CSMD1: variants seen among roughly 807,000 people sequenced by gnomAD.
CSMD1 encodes the protein CUB and sushi domain-containing protein 1.
In CSMD1, 213 loss-of-function variants were observed where a neutral mutation model predicts 417.5. The ratio of observed to expected loss-of-function variants is 0.51; its 90% CI spans 0.46 to 0.57. The LOEUF is 0.57. Among genes scored for constraint, CSMD1 ranks in the 20% least tolerant of loss-of-function variants. The pLI, the probability that CSMD1 is intolerant of heterozygous loss-of-function variation, is 0.00. For missense variants in CSMD1, 6,923 were observed against 4,529.7 expected (o/e 1.53, Z -15.17); for synonymous variants, 2,862 against 1,736.8 (o/e 1.65, Z -16.11).
At chr8:3,129,031 T>C in intron 41 of CSMD1, 1 of 336,630 alleles carries the variant, frequency 3.0e-6, no homozygotes, top group South Asian at 2.5e-5. Context: ...AACCAGATGC[T>C]TGACCTAGGA....
chr8:4,016,889 TG>T (rs1025020818), intron 4 of CSMD1, among the ~76,000 whole-genome samples: 2 of 152,150 alleles, frequency 1.3e-5, no homozygotes, highest in African/African-American at 4.8e-5. Flanking sequence ...TTCACAATCC[TG>T]AAAAACACAA....
chr8:3,413,485 G>T (rs1305021721), intron 12 of CSMD1, among the ~76,000 whole-genome samples: 2 of 152,134 alleles, frequency 1.3e-5, no homozygotes, highest in Non-Finnish European at 2.9e-5. Context: ...CAGGCATTAG[G>T]GGTTGACAAG....
intron 1 of CSMD1, among the ~76,000 whole-genome samples, chr8:4,892,126 T>G (rs1366729298): frequency 6.6e-6 from 1 of 152,090 alleles, no homozygotes; most frequent in Non-Finnish European, 1.5e-5. Flanking sequence ...CAGGGAAATT[T>G]TTTTTCCCAT....
At chr8:4,466,679 T>A (rs188692247) in intron 2 of CSMD1, among the ~76,000 whole-genome samples, 92 of 152,298 alleles carry the variant, frequency 6.0e-4, no homozygotes, top group African/African-American at 2.2e-3. Flanking sequence ...TGAGTTGGGA[T>A]ATGTTCTCCA....
chr8:4,704,057 G>T (rs1374864319), intron 1 of CSMD1, among the ~76,000 whole-genome samples: 1 of 152,190 alleles, frequency 6.6e-6, no homozygotes, highest in Non-Finnish European at 1.5e-5. Flanking sequence ...TGGTTCCCTG[G>T]CTGCTCACCT....
chr8:4,618,006 T>C (rs141215512), intron 2 of CSMD1, among the ~76,000 whole-genome samples: 1 of 152,346 alleles, frequency 6.6e-6, no homozygotes, highest in African/African-American at 2.4e-5. Flanking sequence ...ATAAGATTTC[T>C]CTTGGCCAGT....
chr8:4,210,719 CACT>C (rs1800255948), intron 3 of CSMD1, among the ~76,000 whole-genome samples: 1 of 152,032 alleles, frequency 6.6e-6, no homozygotes, highest in Non-Finnish European at 1.5e-5. Flanking sequence ...TAATGTTAAA[CACT>C]AAAAATCACA....
chr8:4,294,032 TC>T (rs1797528456), intron 3 of CSMD1, among the ~76,000 whole-genome samples: 1 of 152,208 alleles, frequency 6.6e-6, no homozygotes, highest in African/African-American at 2.4e-5. Context: ...GGACTTCTGT[TC>T]TTTATTGCGT....
At chr8:4,385,839 CTG>C (rs1387611632) in intron 3 of CSMD1, among the ~76,000 whole-genome samples, 1 of 152,114 alleles carries the variant, frequency 6.6e-6, no homozygotes, top group Non-Finnish European at 1.5e-5. Flanking sequence ...TTCTGGGAAA[CTG>C]TTAAAATCTG....
At chr8:4,696,687 T>A (rs1584957321) in intron 1 of CSMD1, among the ~76,000 whole-genome samples, 1 of 152,178 alleles carries the variant, frequency 6.6e-6, no homozygotes, top group East Asian at 1.9e-4. Context: ...ACAGAGAAGG[T>A]ATGACCCATG....
At chr8:3,760,128 C>G (rs1238851200) in intron 5 of CSMD1, among the ~76,000 whole-genome samples, 3 of 151,944 alleles carry the variant, frequency 2.0e-5, no homozygotes, top group Non-Finnish European at 4.4e-5. Context: ...GAGTAACAGG[C>G]TGAGAAAGGG....
intron 10 of CSMD1, among the ~76,000 whole-genome samples, chr8:3,545,122 GTCTC>G (rs1798604886): frequency 6.6e-6 from 1 of 152,090 alleles, no homozygotes; most frequent in Non-Finnish European, 1.5e-5. Context: ...AAAGCAGATC[GTCTC>G]TCTCTTTCTC....
At chr8:4,179,423 C>A (rs975718341) in intron 3 of CSMD1, among the ~76,000 whole-genome samples, 6 of 151,952 alleles carry the variant, frequency 3.9e-5, no homozygotes, top group Admixed American at 3.3e-4. Context: ...ATACAAAAAT[C>A]AATTCAAGAT....
At chr8:3,565,159 A>G (rs1039633072) in intron 10 of CSMD1, among the ~76,000 whole-genome samples, 29 of 138,088 alleles carry the variant, frequency 2.1e-4, no homozygotes, top group African/African-American at 4.4e-4. Flanking sequence ...AAAAAAAAAA[A>G]AGAGAGAGAT....
intron 26 of CSMD1, among the ~76,000 whole-genome samples, chr8:3,269,974 T>C (rs1801716330): frequency 6.6e-6 from 1 of 151,364 alleles, no homozygotes; most frequent in Non-Finnish European, 1.5e-5. Context: ...ACAACCCTAC[T>C]CCATTGATGG....
chr8:4,259,092 A>G (rs912428707), intron 3 of CSMD1, among the ~76,000 whole-genome samples: 1 of 152,154 alleles, frequency 6.6e-6, no homozygotes, highest in African/African-American at 2.4e-5. Context: ...TTGATGTAGC[A>G]TTTACCTCTG....
At chr8:3,717,151 A>C (rs1052879891) in intron 6 of CSMD1, among the ~76,000 whole-genome samples, 8 of 152,136 alleles carry the variant, frequency 5.3e-5, no homozygotes, top group African/African-American at 2.4e-5. Context: ...TTACACTTAA[A>C]ATTTTTATTT....
intron 10 of CSMD1, among the ~76,000 whole-genome samples, chr8:3,546,211 G>T (rs778790648): frequency 6.6e-6 from 1 of 152,144 alleles, no homozygotes; most frequent in Non-Finnish European, 1.5e-5. Context: ...GAGAAATTGT[G>T]TAAGGTTCTA....
At chr8:4,069,296 T>G (rs965349529) in intron 3 of CSMD1, among the ~76,000 whole-genome samples, 1 of 152,232 alleles carries the variant, frequency 6.6e-6, no homozygotes, top group Non-Finnish European at 1.5e-5. Context: ...TCATTATTTT[T>G]TGACCATTTT....
Sources: gnomAD v4.1 joint callset for allele counts (sites outside exome capture counted in the v4.1 genomes callset) on GRCh38, gnomAD v4.1.1 for gene constraint, MANE v1.5 for transcripts, NCBI Gene and HGNC (gene_info 2026-07-23, HGNC 2026-07-21) for gene names.